PALM2AKAP2: variants seen among roughly 807,000 people sequenced by gnomAD.
The protein encoded by PALM2AKAP2 is PALM2-AKAP2 fusion protein.
PALM2AKAP2 carries 37 observed loss-of-function variants against 71.5 expected under a neutral mutation model. The observed-to-expected ratio is 0.52, with a 90% CI of 0.40 to 0.68. PALM2AKAP2 has a LOEUF of 0.68. Ranked by LOEUF, PALM2AKAP2 falls within the 30% of genes least tolerant of loss-of-function variation. The pLI is 0.00. For synonymous variants in PALM2AKAP2, 468 were observed against 478.8 expected (o/e 0.98, Z 0.29); for missense variants, 1,224 against 1,191.8 (o/e 1.03, Z -0.40).
intron 1 of PALM2AKAP2, among the ~76,000 whole-genome samples, chr9:109,689,553 G>A (rs976075342): frequency 1.3e-5 from 2 of 152,206 alleles, no homozygotes; most frequent in Admixed American, 6.5e-5. Flanking sequence ...AGATGGGTGT[G>A]ATATATATTT....
At chr9:109,772,018 G>T (rs577693449) in intron 1 of PALM2AKAP2, 1 of 152,370 alleles carries the variant, frequency 6.6e-6, no homozygotes, top group South Asian at 2.1e-4. Context: ...TCTTCTTTCC[G>T]TGGGGACAGA....
intron 1 of PALM2AKAP2, among the ~76,000 whole-genome samples, chr9:109,725,626 T>G (rs1180116413): frequency 6.6e-6 from 1 of 152,178 alleles, no homozygotes; most frequent in Non-Finnish European, 1.5e-5. Context: ...TATGATATAT[T>G]TGTACGCTAG....
At chr9:109,909,288 C>A (rs776584532) in intron 3 of PALM2AKAP2, among the ~76,000 whole-genome samples, 32 of 152,280 alleles carry the variant, frequency 2.1e-4, no homozygotes, top group Middle Eastern at 3.4e-3. Flanking sequence ...CAAATAAGAC[C>A]AGTTTCTTTT....
At chr9:109,715,002 G>T (rs539764512) in intron 1 of PALM2AKAP2, among the ~76,000 whole-genome samples, 1 of 152,192 alleles carries the variant, frequency 6.6e-6, no homozygotes, top group South Asian at 2.1e-4. Context: ...TAATCTCCCT[G>T]TGCACAAATC....
rs191108376 is a variant in PALM2AKAP2 at position 109,751,545 on chromosome 9, C to T, written c.6-28943C>T. Among the ~76,000 whole-genome samples the T allele has an allele frequency of 7.3e-4, 111 of 152,272 alleles. 1 individual carries two copies. In the East Asian group the frequency reaches 0.015, roughly 20 times the overall value. On this transcript the variant is annotated intron_variant, in intron 1 of 6. Coordinates refer to the PALM2AKAP2 transcript ENST00000374531. ...ATTTCACTCCTAAAAGTCATATGTA[C>T]ACATAATAGTAAATCGTTTCTGAGA...
chr9:109,803,209 G>T (rs544533409), intron 1 of PALM2AKAP2, among the ~76,000 whole-genome samples: 13 of 152,308 alleles, frequency 8.5e-5, no homozygotes, highest in Non-Finnish European at 1.9e-4. Context: ...GCATATCTTA[G>T]AATTGACGAA....
At chr9:110,038,847 A>C (rs1308107583) in intron 7 of PALM2AKAP2, among the ~76,000 whole-genome samples, 1 of 149,612 alleles carries the variant, frequency 6.7e-6, no homozygotes, top group African/African-American at 2.5e-5. Flanking sequence ...AGGCTGAGGC[A>C]GGAGAATTGC....
chr9:109,913,716 A>G (rs989072891), intron 3 of PALM2AKAP2, among the ~76,000 whole-genome samples: 1 of 151,962 alleles, frequency 6.6e-6, no homozygotes, highest in Non-Finnish European at 1.5e-5. Context: ...CAAGGAACAG[A>G]GACCCACAAT....
intron 2 of PALM2AKAP2, among the ~76,000 whole-genome samples, chr9:110,140,663 T>C (rs908899181): frequency 1.3e-5 from 2 of 152,220 alleles, no homozygotes; most frequent in Admixed American, 1.3e-4. Flanking sequence ...ATCTGTAATA[T>C]GTTTATTATT....
intron 1 of PALM2AKAP2, among the ~76,000 whole-genome samples, chr9:110,090,783 G>A (rs987235632): frequency 1.3e-5 from 2 of 152,058 alleles, no homozygotes; most frequent in South Asian, 4.2e-4. Flanking sequence ...ATTTTTCAAG[G>A]AGGCAAAGCA....
intron 1 of PALM2AKAP2, among the ~76,000 whole-genome samples, chr9:109,655,902 T>C (rs1163707216): frequency 1.3e-5 from 2 of 152,222 alleles, no homozygotes; most frequent in Admixed American, 1.3e-4. Context: ...AACACTGGTG[T>C]ACAAGTATGT....
intron 6 of PALM2AKAP2, among the ~76,000 whole-genome samples, chr9:109,954,709 A>T (rs1462592180): frequency 1.3e-5 from 2 of 151,002 alleles, no homozygotes; most frequent in South Asian, 2.1e-4. Flanking sequence ...ATCTTAAGTG[A>T]TCATGTAGGG....
At chr9:109,931,030 A>G (rs1831088382) in intron 5 of PALM2AKAP2, among the ~76,000 whole-genome samples, 1 of 152,196 alleles carries the variant, frequency 6.6e-6, no homozygotes, top group African/African-American at 2.4e-5. Context: ...GGATTTTGTG[A>G]TATGGTCGTG....
At chr9:109,860,442 G>T (rs1229622717) in intron 1 of PALM2AKAP2, among the ~76,000 whole-genome samples, 1 of 152,100 alleles carries the variant, frequency 6.6e-6, no homozygotes, top group African/African-American at 2.4e-5. Context: ...GTGTAACCCA[G>T]ATAAAACCTA....
chr9:110,150,854 T>C (rs1216297775), intron 2 of PALM2AKAP2, among the ~76,000 whole-genome samples: 1 of 152,266 alleles, frequency 6.6e-6, no homozygotes, highest in Non-Finnish European at 1.5e-5. Flanking sequence ...TTCTGCAGTC[T>C]GCTTTTTCTC....
At chr9:109,873,399 A>G (rs977938754) in intron 2 of PALM2AKAP2, among the ~76,000 whole-genome samples, 1 of 151,928 alleles carries the variant, frequency 6.6e-6, no homozygotes, top group African/African-American at 2.4e-5. Context: ...TCACACCACT[A>G]CACTCCAGCC....
chr9:109,903,986 A>G (rs1830386880), intron 3 of PALM2AKAP2, among the ~76,000 whole-genome samples: 5 of 152,358 alleles, frequency 3.3e-5, no homozygotes, highest in African/African-American at 9.6e-5. Context: ...CACAAAGCAC[A>G]TATTAAGATG....
intron 1 of PALM2AKAP2, among the ~76,000 whole-genome samples, chr9:109,721,959 G>A (rs948170873): frequency 1.3e-5 from 2 of 152,136 alleles, no homozygotes; most frequent in South Asian, 2.1e-4. Flanking sequence ...AACTTTTAAT[G>A]CATCCCTATT....
chr9:109,723,482 G>T (rs1200786444), intron 1 of PALM2AKAP2, among the ~76,000 whole-genome samples: 1 of 152,126 alleles, frequency 6.6e-6, no homozygotes, highest in Non-Finnish European at 1.5e-5. Context: ...ACTCATAGGA[G>T]AATCAAATAA....
Sources: allele counts gnomAD v4.1 joint callset (sites outside exome capture counted in the v4.1 genomes callset), GRCh38; gene constraint gnomAD v4.1.1; transcripts MANE v1.5; gene names NCBI Gene and HGNC (gene_info 2026-07-23, HGNC 2026-07-21).